The following ITGB8 variants were observed in gnomAD, a reference collection of about 807,000 sequenced individuals.
ITGB8 encodes the protein integrin subunit beta 8, also known as integrin beta-8.
Under a neutral mutation model 89.5 loss-of-function variants are expected in ITGB8, and 30 were observed. The ratio of observed to expected loss-of-function variants is 0.34; its 90% CI spans 0.25 to 0.45. ITGB8 has a LOEUF of 0.45. Ranked by LOEUF, ITGB8 falls within the 20% of genes least tolerant of loss-of-function variation. The pLI, the probability that ITGB8 is intolerant of heterozygous loss-of-function variation, is 1.00. For synonymous variants in ITGB8, 335 were observed against 320.4 expected (o/e 1.05, Z -0.49); for missense variants, 836 against 933.3 (o/e 0.90, Z 1.36).
chr7:20,366,896 AT>A, intron 2 of ITGB8, 115 bp from the exon 3 acceptor site: 3 of 684,584 alleles, frequency 4.4e-6, no homozygotes, highest in Non-Finnish European at 7.2e-6. Context: ...AAACATAAGG[AT>A]TAGAAGAAAT....
rs17142761 is a variant in ITGB8 at position 20,380,647 on chromosome 7, T to A, written c.636-19T>A. On this transcript the variant is annotated intron_variant, in intron 4 of 13. Transcript: ENST00000222573. ...AAGAAGAGCAAAATAAACTTTACAC[T>A]TCTTCTTTTCCCACACAGTGACTAC... The A allele has an allele frequency of 0.1, 162,262 of 1,604,448 alleles. 10,501 individuals are homozygous for A. The highest frequency in any genetic ancestry group is 0.39 in the East Asian group (17,331 of 44,736).
chr7:20,390,068 G>C lies in ITGB8; in HGVS notation c.961-1335G>C, dbSNP rs957561014. Among the ~76,000 whole-genome samples, 4 of 152,272 alleles carry C rather than the reference G, an allele frequency of 2.6e-5. No individual in the cohort carries two copies. The South Asian group carries it at 8.3e-4, about 32-fold the overall frequency. ...AGAACTTACGTTATAAGTGAAACTA[G>C]TTAGTCTAGCCCTTTTACCAAGTTC... On this transcript the variant is annotated intron_variant, in intron 6 of 13. Coordinates refer to ENST00000222573, the MANE Select transcript of ITGB8 (RefSeq NM_002214.3).
At chr7:20,342,025 G>A (rs1441860819) in intron 1 of ITGB8, among the ~76,000 whole-genome samples, 1 of 152,078 alleles carries the variant, frequency 6.6e-6, no homozygotes, top group African/African-American at 2.4e-5. Context: ...TGCCCAGGTG[G>A]TATGTGATAT....
At chr7:20,402,241 A>G in intron 10 of ITGB8, 115 bp downstream of exon 10, 1 of 953,028 alleles carries the variant, frequency 1.0e-6, no homozygotes, top group East Asian at 2.5e-5. Context: ...TGAATTTGTT[A>G]TTCAAAGTTT....
rs1787847935 is a variant in ITGB8 at position 20,413,889 on chromosome 7, T to C, written c.*3892T>C. On this transcript the variant is annotated 3_prime_UTR_variant, in exon 14 of 14. Coordinates refer to ENST00000222573, the MANE Select transcript of ITGB8 (RefSeq NM_002214.3). ...TAATTTACAACTATCCTTATTTATA[T>C]TGACCTCAAGAACTCCATTTTATGC... 6.6e-6 allele frequency: 1 copy of C among 152,170 alleles called. No individual in the cohort carries two copies. The highest frequency in any genetic ancestry group is 2.1e-4 in the South Asian group (1 of 4,826). 9.4% of individuals were successfully genotyped at this position (152,170 alleles called of 1,614,324 possible).
In ITGB8 at chr7:20,398,850, G is replaced by T. The variant is rs369337026; in HGVS notation, c.1147-10G>T. On this transcript the variant is annotated splice_polypyrimidine_tract_variant and intron_variant, in intron 8 of 13. Coordinates refer to ENST00000222573, the MANE Select transcript of ITGB8 (RefSeq NM_002214.3). ...CTCTCGTATGTAATTTAAAAATAAT[G>T]TCTCTGCAGAAGCTCATTTCAGAAG... is the stretch of plus-strand genomic sequence containing the variant. The T allele has an allele frequency of 4.6e-5, 70 of 1,534,236 alleles. No homozygotes were observed. In the Middle Eastern group the frequency reaches 1.9e-3, roughly 42 times the overall value.
intron 2 of ITGB8, 153 bp from the exon 3 acceptor site, chr7:20,366,855 TTTGC>T: frequency 1.8e-6 from 1 of 561,298 alleles, no homozygotes; most frequent in Non-Finnish European, 3.0e-6. Flanking sequence ...GAGTAGGATT[TTTGC>T]TTGTGTTTTT....
chr7:20,341,712 G>A (rs574933922), intron 1 of ITGB8, among the ~76,000 whole-genome samples: 2 of 152,154 alleles, frequency 1.3e-5, no homozygotes, highest in South Asian at 2.1e-4. Flanking sequence ...AGGGCTGTCC[G>A]GGGCTGACAG....
In ITGB8 at chr7:20,330,933, G is replaced by T. The variant is rs994648961; in HGVS notation, c.-874G>T. 2 of 152,378 alleles carry T rather than the reference G, an allele frequency of 1.3e-5. No homozygotes were observed. The highest frequency in any genetic ancestry group is 4.8e-5 in the African/African-American group (2 of 41,476). 9.4% of individuals were successfully genotyped at this position (152,378 alleles called of 1,614,324 possible). ...CCAGCAACTCGGGCTCTGGACTGCGGGACGCCTGAGCCGCGCACTGAGGCG... is the reference window on the plus strand; with the variant it reads ...CCAGCAACTCGGGCTCTGGACTGCGTGACGCCTGAGCCGCGCACTGAGGCG... On this transcript the variant is annotated 5_prime_UTR_variant, in exon 1 of 14. Transcript: ENST00000222573.
intron 1 of ITGB8, among the ~76,000 whole-genome samples, chr7:20,361,962 G>C (rs1418789168): frequency 1.3e-5 from 2 of 152,156 alleles, no homozygotes; most frequent in African/African-American, 4.8e-5. Flanking sequence ...ATAAAGTGAA[G>C]GACAAGGCAT....
chr7:20,379,339 C>T (rs372893493), intron 4 of ITGB8, 42 bp downstream of exon 4: 50 of 1,332,390 alleles, frequency 3.8e-5, no homozygotes, highest in Non-Finnish European at 4.7e-5. Flanking sequence ...TAATTTTTTG[C>T]TTATAAAATC....
intron 1 of ITGB8, among the ~76,000 whole-genome samples, chr7:20,340,942 AT>A (rs1784737027): frequency 6.6e-6 from 1 of 152,212 alleles, no homozygotes; most frequent in Non-Finnish European, 1.5e-5. Context: ...GTCTTTTCTA[AT>A]TGCCTGCTGG....
intron 3 of ITGB8, 68 bp downstream of exon 3, chr7:20,367,254 C>T (rs1785737900): frequency 8.7e-7 from 1 of 1,153,882 alleles, no homozygotes; most frequent in Admixed American, 1.9e-5. Context: ...TTAATTTGCT[C>T]ATTTTTAATA....
chr7:20,340,408 G>T (rs957925875), intron 1 of ITGB8, among the ~76,000 whole-genome samples: 1 of 152,206 alleles, frequency 6.6e-6, no homozygotes, highest in African/African-American at 2.4e-5. Flanking sequence ...GATGAAGACA[G>T]GAGGATGAAA....
chr7:20,405,982 CT>C (rs201606486), intron 11 of ITGB8, 79 bp from the exon 12 acceptor site: 240 of 827,062 alleles, frequency 2.9e-4, no homozygotes, highest in African/African-American at 6.0e-4. Context: ...GTTATTTTGT[CT>C]TTTTTTTTCT....
At chr7:20,372,413 C>T (rs1785969681) in intron 3 of ITGB8, among the ~76,000 whole-genome samples, 1 of 152,160 alleles carries the variant, frequency 6.6e-6, no homozygotes, top group African/African-American at 2.4e-5. Flanking sequence ...GTGGAATCCA[C>T]AGGAGTTGGT....
In ITGB8 at chr7:20,380,753, T is replaced by G. The variant is rs1384158371; in HGVS notation, c.723T>G (p.Val241=). 3 of 1,613,620 alleles carry G rather than the reference T, an allele frequency of 1.9e-6. No homozygotes were observed. Among genetic ancestry groups the G allele is most frequent in the Non-Finnish European group, 2.5e-6 (3 of 1,179,610 alleles). The part of the protein sequence containing the change: ...TENITEFEKA[V]HRQKISGNID... ...ACATCACTGAGTTTGAGAAAGCAGT[T>G]CATAGACAGAAGATCTCTGGAAACA... The change falls in exon 5 of 14, where the codon GTT becomes GTG. Residue 241 remains valine (V), a synonymous_variant. Coordinates refer to ENST00000222573, the MANE Select transcript of ITGB8 (RefSeq NM_002214.3).
chr7:20,350,616 A>G (rs1438961564), intron 1 of ITGB8, among the ~76,000 whole-genome samples: 1 of 152,266 alleles, frequency 6.6e-6, no homozygotes, highest in African/African-American at 2.4e-5. Flanking sequence ...GGAGGAACAC[A>G]GCACACAATG....
chr7:20,392,525 T>C (rs1284364557), intron 7 of ITGB8, among the ~76,000 whole-genome samples: 3 of 152,210 alleles, frequency 2.0e-5, no homozygotes, highest in African/African-American at 4.8e-5. Context: ...TGAAGCTTTA[T>C]TTATTTATTT....
Sources: gnomAD v4.1 joint callset for allele counts (sites outside exome capture counted in the v4.1 genomes callset) on GRCh38, gnomAD v4.1.1 for gene constraint, MANE v1.5 for transcripts, NCBI Gene and HGNC (gene_info 2026-07-23, HGNC 2026-07-21) for gene names.